Variants in KCNN2 observed in about 807,000 individuals in gnomAD.
KCNN2 encodes potassium calcium-activated channel subfamily N member 2, also known as small conductance calcium-activated potassium channel protein 2.
Under a neutral mutation model 55.5 loss-of-function variants are expected in KCNN2, and 24 were observed. That is an observed-to-expected ratio of 0.43 (90% confidence interval 0.31 to 0.61). The LOEUF is 0.61. KCNN2 is among the 20% of genes least tolerant of loss of function. The pLI is 0.08. For missense variants in KCNN2, 754 were observed against 853.6 expected, an observed-to-expected ratio of 0.88 and a Z score of 1.45; for synonymous variants, 431 against 336.1, an observed-to-expected ratio of 1.28 and a Z score of -3.09.
exon 2 of KCNN2, among the ~76,000 whole-genome samples, chr5:114,221,520 G>A (rs935015551): frequency 2.0e-5 from 3 of 152,168 alleles, no homozygotes; most frequent in South Asian, 2.1e-4. Context: ...ACTCCAGCAA[G>A]AGGAAAAATG....
intron 2 of KCNN2, among the ~76,000 whole-genome samples, chr5:114,334,903 C>A (rs1042124611): frequency 6.6e-6 from 1 of 152,054 alleles, no homozygotes; most frequent in Non-Finnish European, 1.5e-5. Flanking sequence ...AAGGGTGATT[C>A]CACTTGTGCC....
intron 2 of KCNN2, among the ~76,000 whole-genome samples, chr5:114,246,668 A>C (rs1754753918): frequency 1.3e-5 from 2 of 152,158 alleles, no homozygotes; most frequent in South Asian, 4.1e-4. Flanking sequence ...AATCCCAAGG[A>C]TATGTCCATA....
intron 1 of KCNN2, among the ~76,000 whole-genome samples, chr5:114,098,274 C>A (rs1751303733): frequency 1.3e-5 from 2 of 152,100 alleles, no homozygotes; most frequent in Non-Finnish European, 2.9e-5. Context: ...TGTAAGGGAA[C>A]ATTCACAGCT....
chr5:114,058,147 C>A (rs1337756621), intron 1 of KCNN2, among the ~76,000 whole-genome samples: 1 of 152,072 alleles, frequency 6.6e-6, no homozygotes, highest in Non-Finnish European at 1.5e-5. Context: ...CCTGGAGGGA[C>A]CACCAAGGCC....
chr5:114,194,135 T>A (rs1041906717), intron 1 of KCNN2, among the ~76,000 whole-genome samples: 3 of 152,132 alleles, frequency 2.0e-5, no homozygotes, highest in Non-Finnish European at 4.4e-5. Context: ...ACAATATTAT[T>A]CATAGTACAA....
intron 1 of KCNN2, among the ~76,000 whole-genome samples, chr5:114,164,561 C>G (rs1019686258): frequency 6.6e-6 from 1 of 151,968 alleles, no homozygotes; most frequent in Non-Finnish European, 1.5e-5. Context: ...GGAAATTTAC[C>G]AAATTCAAGT....
At chr5:114,302,640 A>AT (rs1756190244) in intron 2 of KCNN2, among the ~76,000 whole-genome samples, 1 of 152,028 alleles carries the variant, frequency 6.6e-6, no homozygotes, top group Admixed American at 6.6e-5. Flanking sequence ...ATTAAAGGAG[A>AT]TTTTTCCTAG....
chr5:114,403,043 T>C (rs1258127713), intron 2 of KCNN2, among the ~76,000 whole-genome samples: 1 of 152,194 alleles, frequency 6.6e-6, no homozygotes, highest in Non-Finnish European at 1.5e-5. Context: ...AGGAGGAGGC[T>C]TATTTGTAAG....
chr5:114,380,674 C>T (rs1349750941), intron 2 of KCNN2, among the ~76,000 whole-genome samples: 1 of 152,166 alleles, frequency 6.6e-6, no homozygotes, highest in African/African-American at 2.4e-5. Context: ...CATCATTAAT[C>T]ATGACCTCTG....
rs144246562 is a variant in KCNN2 at position 114,126,017 on chromosome 5, T to G, written c.-271+69517T>G. ...TCCTTCCTATGTTCTGTTGGTTTTC[T>G]AGCAATCTTTGGCATTCCTTGGGTT... On this transcript the variant is annotated intron_variant, in intron 1 of 10. Transcript: ENST00000512097. 1.3e-4 allele frequency among the ~76,000 whole-genome samples: 20 copies of G among 152,284 alleles called. No individual in the cohort carries two copies. The East Asian group carries it at 3.3e-3, about 25-fold the overall frequency.
chr5:114,188,953 C>T (rs562745260), intron 1 of KCNN2, among the ~76,000 whole-genome samples: 2 of 151,974 alleles, frequency 1.3e-5, no homozygotes, highest in Non-Finnish European at 2.9e-5. Flanking sequence ...TGATTCCAAA[C>T]ATTATATGAA....
chr5:114,464,480 G>T (rs973461243), intron 4 of KCNN2, among the ~76,000 whole-genome samples: 4 of 152,142 alleles, frequency 2.6e-5, no homozygotes, highest in African/African-American at 9.7e-5. Flanking sequence ...GAGAGCAGAG[G>T]GTTGTCATTT....
chr5:114,075,403 T>A (rs1189663764), intron 1 of KCNN2, among the ~76,000 whole-genome samples: 3 of 152,210 alleles, frequency 2.0e-5, no homozygotes, highest in Non-Finnish European at 4.4e-5. Flanking sequence ...GATAATTTGC[T>A]AAAAAATTTC....
At chr5:114,438,030 C>A (rs1561383626) in intron 3 of KCNN2, among the ~76,000 whole-genome samples, 2 of 152,200 alleles carry the variant, frequency 1.3e-5, no homozygotes, top group East Asian at 1.9e-4. Flanking sequence ...CTACACCAAT[C>A]TGTTAATATA....
intron 1 of KCNN2, among the ~76,000 whole-genome samples, chr5:114,105,824 A>G (rs1751471565): frequency 6.6e-6 from 1 of 152,032 alleles, no homozygotes; most frequent in Admixed American, 6.6e-5. Context: ...GCAATAATAT[A>G]TATTTAGTTT....
Position 114,196,288 on chromosome 5 carries a change from T to C in KCNN2, c.-270-25192T>C, listed in dbSNP as rs573624022. Among the ~76,000 whole-genome samples the C allele has an allele frequency of 4.6e-5, 7 of 152,206 alleles. No individual in the cohort carries two copies. The East Asian group carries it at 1.3e-3, about 29-fold the overall frequency. ...CACTTTGTTAGTATTTTGTTTCAAA[T>C]TTTAACATCTGTGTTCATAAGGGAT... On this transcript the variant is annotated intron_variant, in intron 1 of 10. Transcript: ENST00000512097.
At chr5:114,304,916 C>T (rs1756237351) in intron 2 of KCNN2, among the ~76,000 whole-genome samples, 1 of 152,150 alleles carries the variant, frequency 6.6e-6, no homozygotes, top group Non-Finnish European at 1.5e-5. Flanking sequence ...TGTCTTCTGC[C>T]TTGGAGAGGA....
intron 1 of KCNN2, among the ~76,000 whole-genome samples, chr5:114,102,301 A>C (rs1316038133): frequency 1.4e-5 from 2 of 146,668 alleles, no homozygotes; most frequent in Non-Finnish European, 3.0e-5. Context: ...TTTTCTTGTG[A>C]ATTTGTTGAA....
Position 114,362,540 on chromosome 5 carries a change from G to A in KCNN2, c.401G>A (p.Ser134Asn), listed in dbSNP as rs1483883345. 1.7e-6 allele frequency: 1 copy of A among 573,144 alleles called. No individual in the cohort carries two copies. The highest frequency in any genetic ancestry group is 2.9e-6 in the Non-Finnish European group (1 of 340,044). The allele number at this position is 573,144 out of a possible 1,614,324, so 35.5% of individuals were successfully genotyped here. ...AATGTGAGCGAGCTGACGCCGTCCA[G>A]CCATGCCAGTGCGCTCCGGCAGCAG... ...QLNVSELTPSSHASALRQQYA... is the reference protein window; with the variant it reads ...QLNVSELTPSNHASALRQQYA... The change falls in exon 1 of 8, where the codon AGC becomes AAC. Residue 134 changes from serine to asparagine, a missense_variant. This residue lies in a region of KCNN2 where 381 missense variants were observed against 259.1 expected (regional missense o/e 1.47). Transcript: ENST00000673685.
Sources: gnomAD v4.1 joint callset for allele counts (sites outside exome capture counted in the v4.1 genomes callset) on GRCh38, gnomAD v4.1.1 for gene constraint, gnomAD v4.1.1 regional missense constraint, MANE v1.5 for transcripts, NCBI Gene and HGNC (gene_info 2026-07-23, HGNC 2026-07-21) for gene names.